Variants in NEDD4L observed in about 807,000 individuals in gnomAD.
NEDD4L encodes NEDD4 like E3 ubiquitin protein ligase.
A neutral mutation model predicts 148.9 loss-of-function variants in NEDD4L; 54 were observed. The observed-to-expected ratio is 0.36, with a 90% confidence interval of 0.29 to 0.45. The LOEUF (loss-of-function observed/expected upper bound fraction) is 0.45, where lower values mean the gene tolerates loss of function less well. Among genes scored for constraint, NEDD4L ranks in the 20% least tolerant of loss-of-function variants. The pLI is 1.00. For synonymous variants in NEDD4L, 433 were observed against 440.7 expected (o/e 0.98, Z 0.22); for missense variants, 856 against 1,233.8 (o/e 0.69, Z 4.59).
At chr18:58,149,926 T>A (rs1192971052) in intron 1 of NEDD4L, among the ~76,000 whole-genome samples, 1 of 152,224 alleles carries the variant, frequency 6.6e-6, no homozygotes, top group Non-Finnish European at 1.5e-5. Context: ...CACTATATAG[T>A]GAGAAATGAC....
intron 1 of NEDD4L, among the ~76,000 whole-genome samples, chr18:58,102,385 T>C (rs953465465): frequency 6.6e-6 from 1 of 152,174 alleles, no homozygotes; most frequent in African/African-American, 2.4e-5. Context: ...ATTGAAGACA[T>C]AATCAGAACC....
chr18:58,344,157 G>A (rs976307635), intron 16 of NEDD4L, among the ~76,000 whole-genome samples: 4 of 152,172 alleles, frequency 2.6e-5, no homozygotes, highest in African/African-American at 9.7e-5. Context: ...TCTAGTGATG[G>A]ACATTAAGTG....
In NEDD4L at chr18:58,137,026, A is replaced by G. The variant is rs75006631; in HGVS notation, c.49-28762A>G. Among the ~76,000 whole-genome samples the G allele has an allele frequency of 5.5e-4, 84 of 152,354 alleles. 1 individual carries two copies. The highest frequency in any genetic ancestry group is 1.9e-3 in the African/African-American group (79 of 41,576). ...TTTTGGTCCCTGCCATTGTATGTGT[A>G]TCTTGAATCCAAGGGTAATACGATA... On this transcript the variant is annotated intron_variant, in intron 1 of 30. Transcript: ENST00000400345.
chr18:58,279,359 G>C (rs777493047), intron 5 of NEDD4L, among the ~76,000 whole-genome samples: 102 of 152,338 alleles, frequency 6.7e-4, no homozygotes, highest in Non-Finnish European at 1.3e-3. Context: ...ATGGATAAAA[G>C]CTATGGATTC....
At chr18:58,377,201 A>G (rs184164366) in intron 24 of NEDD4L, among the ~76,000 whole-genome samples, 2 of 152,294 alleles carry the variant, frequency 1.3e-5, no homozygotes, top group East Asian at 3.9e-4. Context: ...GTGGAAATCT[A>G]GGTGTTAGCA....
chr18:58,353,376 G>A lies in NEDD4L; in HGVS notation c.1708+2331G>A, dbSNP rs137990056. Among the ~76,000 whole-genome samples the A allele has an allele frequency of 2.6e-5, 4 of 152,326 alleles. No homozygotes were observed. In the East Asian group the frequency reaches 7.7e-4, roughly 29 times the overall value. On this transcript the variant is annotated intron_variant, in intron 18 of 30. Coordinates refer to ENST00000400345, the MANE Select transcript of NEDD4L (RefSeq NM_001144967.3). The stretch of plus-strand genomic sequence containing the variant: ...CCAATATATTTGTGGCCATTGACTT[G>A]GAGATTAAAATTTATTTTGCCCTTG...
intron 1 of NEDD4L, among the ~76,000 whole-genome samples, chr18:58,073,466 T>C (rs879721771): frequency 1.6e-4 from 24 of 152,194 alleles, no homozygotes; most frequent in Non-Finnish European, 3.4e-4. Flanking sequence ...AGTTGTGTTT[T>C]TGACAGGGGT....
intron 5 of NEDD4L, among the ~76,000 whole-genome samples, chr18:58,257,706 G>T (rs937200535): frequency 1.3e-5 from 2 of 152,134 alleles, no homozygotes; most frequent in African/African-American, 2.4e-5. Context: ...ACGCTCCATC[G>T]ACCAGGCATA....
chr18:58,112,713 CTCCT>C (rs2085499450), intron 1 of NEDD4L, among the ~76,000 whole-genome samples: 1 of 152,162 alleles, frequency 6.6e-6, no homozygotes, highest in Non-Finnish European at 1.5e-5. Flanking sequence ...TCATCTCGAG[CTCCT>C]GAGCTTAGGT....
At chr18:58,314,293 T>TGTGGTAGTAATTG (rs1361209277) in intron 5 of NEDD4L, among the ~76,000 whole-genome samples, 3 of 152,046 alleles carry the variant, frequency 2.0e-5, no homozygotes, top group African/African-American at 7.2e-5. Flanking sequence ...GGTGTGTGCC[T>TGTGGTAGTAATTG]GTAGTCCCAA....
At chr18:58,320,770 G>T (rs2149464244) in intron 6 of NEDD4L, among the ~76,000 whole-genome samples, 1 of 152,242 alleles carries the variant, frequency 6.6e-6, no homozygotes, top group Admixed American at 6.5e-5. Flanking sequence ...AGCTATGATT[G>T]TGCCCCTATA....
At chr18:58,191,520 G>A (rs189049236) in intron 2 of NEDD4L, among the ~76,000 whole-genome samples, 1 of 152,318 alleles carries the variant, frequency 6.6e-6, no homozygotes, top group East Asian at 1.9e-4. Flanking sequence ...GAGGTGATCT[G>A]AAGGTTAGCT....
intron 1 of NEDD4L, among the ~76,000 whole-genome samples, chr18:58,068,424 C>T (rs1290544170): frequency 6.6e-6 from 1 of 152,130 alleles, no homozygotes; most frequent in Admixed American, 6.5e-5. Context: ...TGGTCTTGAT[C>T]TCCTGACCTT....
intron 1 of NEDD4L, among the ~76,000 whole-genome samples, chr18:58,161,465 G>C (rs2036210773): frequency 7.2e-6 from 1 of 139,686 alleles, no homozygotes; most frequent in Non-Finnish European, 1.5e-5. Flanking sequence ...CAAAAGTCTG[G>C]TTTCTAAACC....
At position 58,183,751 on chromosome 18, in the gene NEDD4L, C is replaced by CA. The variant is rs372285882; in HGVS notation, c.122+17896dup. Among the ~76,000 whole-genome samples, 882 of 152,092 alleles carry CA rather than the reference C, an allele frequency of 5.8e-3. 9 individuals carry two copies. The highest frequency in any genetic ancestry group is 0.019 in the African/African-American group (783 of 41,522). On this transcript the variant is annotated intron_variant, in intron 2 of 30. Transcript: ENST00000400345. ...TTTTACTTGGTTCACCGTAAGTTTG[C>CA]AAAAAAGACTTTTTGTTATCCTGAA...
At chr18:58,310,624 C>G (rs2057577507) in intron 5 of NEDD4L, among the ~76,000 whole-genome samples, 1 of 152,242 alleles carries the variant, frequency 6.6e-6, no homozygotes, top group Non-Finnish European at 1.5e-5. Context: ...GTGGGTGGAA[C>G]CGCACTCACA....
At chr18:58,281,385 A>G (rs1223570341) in intron 5 of NEDD4L, among the ~76,000 whole-genome samples, 1 of 151,712 alleles carries the variant, frequency 6.6e-6, no homozygotes, top group African/African-American at 2.4e-5. Flanking sequence ...TAGTTAGCAT[A>G]ACTGTGTAGT....
intron 2 of NEDD4L, among the ~76,000 whole-genome samples, chr18:58,204,736 C>T (rs997262156): frequency 1.3e-5 from 2 of 152,180 alleles, no homozygotes; most frequent in Non-Finnish European, 2.9e-5. Context: ...TCATGTTCTT[C>T]ACATTAGACA....
At chr18:58,252,963 T>C (rs1288378398) in intron 5 of NEDD4L, among the ~76,000 whole-genome samples, 2 of 152,222 alleles carry the variant, frequency 1.3e-5, no homozygotes, top group Non-Finnish European at 1.5e-5. Flanking sequence ...GAACCAGGTG[T>C]TCCAACTATG....
Sources: allele counts gnomAD v4.1 joint callset (sites outside exome capture counted in the v4.1 genomes callset), GRCh38; gene constraint gnomAD v4.1.1; transcripts MANE v1.5; gene names NCBI Gene and HGNC (gene_info 2026-07-23, HGNC 2026-07-21).